Variants in SIDT2 observed in about 807,000 individuals in gnomAD.
SIDT2 encodes SID1 transmembrane family member 2, also known as SID1 transmembrane family, member 2.
SIDT2 carries 68 observed loss-of-function variants against 114.4 expected under a neutral mutation model. That is an observed-to-expected ratio of 0.59 (90% CI 0.49 to 0.73). SIDT2 has a LOEUF of 0.73. Among genes scored for constraint, SIDT2 ranks in the 30% least tolerant of loss-of-function variants. The pLI, the probability that SIDT2 is intolerant of heterozygous loss-of-function variation, is 0.00. For missense variants in SIDT2, 918 were observed against 1,097.1 expected (o/e 0.84, Z 2.31); for synonymous variants, 470 against 438.4 (o/e 1.07, Z -0.90).
chr11:117,187,072 G>A (rs1297262077), intron 10 of SIDT2: 3 of 1,462,498 alleles, frequency 2.1e-6, no homozygotes, highest in Admixed American at 2.1e-5. Context: ...GCACAGGGCT[G>A]TCTGGAGGGC....
chr11:117,189,794 C>T (rs1265661189), intron 15 of SIDT2, 158 bp from the exon 16 acceptor site: 5 of 673,420 alleles, frequency 7.4e-6, no homozygotes, highest in Non-Finnish European at 1.3e-5. Flanking sequence ...GCATGGCATC[C>T]ATGTTCTCAG....
Position 117,190,606 on chromosome 11 carries a change from C to T in SIDT2, c.1618-17C>T, listed in dbSNP as rs2030665001. 2 of 1,550,896 alleles carry T rather than the reference C, an allele frequency of 1.3e-6. No individual in the cohort carries two copies. The highest frequency in any genetic ancestry group is 8.8e-7 in the Non-Finnish European group (1 of 1,141,240). ...CCTCACTTCCTCCCTCCCTTCCCTT[C>T]TCTCTCTCCCCAACAGGAATGTGGG... On this transcript the variant is annotated splice_polypyrimidine_tract_variant and intron_variant, in intron 17 of 25. Transcript: ENST00000324225. The surrounding 1 kb of genome is among the most constrained non-coding windows in gnomAD (Gnocchi z 4.1).
At chr11:117,195,572 A>C (rs1368543893) in intron 24 of SIDT2, among the ~76,000 whole-genome samples, 1 of 152,178 alleles carries the variant, frequency 6.6e-6, no homozygotes, top group South Asian at 2.1e-4. Context: ...GAGGAGGGTA[A>C]GAGTGAAAGA....
In SIDT2 at chr11:117,188,703, T is replaced by TA; in HGVS notation, c.1160-5_1160-4insA. The TA allele has an allele frequency of 6.2e-7, 1 of 1,613,574 alleles. No individual in the cohort carries two copies. Among genetic ancestry groups the TA allele is most frequent in the South Asian group, 1.1e-5 (1 of 91,068 alleles). ...GTGCAACCCCTCCCTCCCTGCCCTT[T>TA]CCAGGCCGCTCCTTTGAACCTGTAG... On this transcript the variant is annotated splice_polypyrimidine_tract_variant and splice_region_variant and intron_variant, in intron 12 of 25. Coordinates refer to ENST00000324225, the MANE Select transcript of SIDT2 (RefSeq NM_001040455.2). This position sits in a 1 kb window ranked among gnomAD's most constrained non-coding sequence, Gnocchi z 4.0.
chr11:117,182,726 C>G lies in SIDT2; in HGVS notation c.622C>G (p.Pro208Ala), dbSNP rs371165317. 57 of 1,614,190 alleles carry G rather than the reference C, an allele frequency of 3.5e-5. No homozygotes were observed. Among genetic ancestry groups the G allele is most frequent in the Non-Finnish European group, 4.7e-5 (55 of 1,180,016 alleles). The change falls in exon 6 of 26, where the codon CCT becomes GCT. Residue 208 changes from proline to alanine, a missense_variant. Pro to Ala is a conservative substitution (Grantham distance 27, BLOSUM62 -1). Around this residue, in one of 4 missense-constraint regions of SIDT2, gnomAD observed 553 missense variants for 600.1 expected, o/e 0.92. Transcript: ENST00000324225. ...SVISIQDVLC[P>A]VYDLDNNVAF... Reference sequence around the variant, plus strand: ...TGCCTCTCCCGCCCCTCTGCAGTGTCCTGTCTATGACCTGGACAACAACGT... The same window carrying G: ...TGCCTCTCCCGCCCCTCTGCAGTGTGCTGTCTATGACCTGGACAACAACGT...
In SIDT2 at chr11:117,186,129, G is replaced by T. The variant is rs1247034025; in HGVS notation, c.869-1G>T. 6.2e-7 allele frequency: 1 copy of T among 1,613,944 alleles called. No individual in the cohort carries two copies. ...TCCACCTTCCTGTTTCCTCCTTGAAGCTGAGGCATACGTCAGTGGGATGCT... is the reference window on the plus strand; with the variant it reads ...TCCACCTTCCTGTTTCCTCCTTGAATCTGAGGCATACGTCAGTGGGATGCT... On this transcript the variant is annotated splice_acceptor_variant, in intron 8 of 25. Coordinates refer to ENST00000324225, the MANE Select transcript of SIDT2 (RefSeq NM_001040455.2). LOFTEE classifies it high-confidence loss of function.
rs201739720 is a variant in SIDT2, at chr11:117,190,270, G to A, written c.1598G>A (p.Arg533His). 180 of 1,553,248 alleles carry A rather than the reference G, an allele frequency of 1.2e-4. No homozygotes were observed. Among genetic ancestry groups the A allele is most frequent in the Non-Finnish European group, 1.4e-4 (160 of 1,150,968 alleles). ...REINHNRALL[R>H]NDLCALECGI... is the part of the protein sequence containing the mutation. ...ATCAACCACAACCGGGCCCTGCTGC[G>A]CAATGACCTCTGTGCCCTGGTAAGG... Residue 533 changes from arginine to histidine, a missense_variant, in exon 17 of 26, where the codon CGC becomes CAC. This residue lies in a region of SIDT2 where 72 missense variants were observed against 59.9 expected (regional missense o/e 1.20). Transcript: ENST00000324225. The surrounding 1 kb of genome is among the most constrained non-coding windows in gnomAD (Gnocchi z 4.1).
intron 24 of SIDT2, chr11:117,194,264 G>A: frequency 3.6e-6 from 1 of 274,568 alleles, no homozygotes; most frequent in South Asian, 5.2e-5. Context: ...AGTGAGCCAA[G>A]ATTGCACCAT....
chr11:117,191,713 T>A (rs878984518), intron 18 of SIDT2, 165 bp from the exon 19 acceptor site: 1 of 857,950 alleles, frequency 1.2e-6, no homozygotes, highest in Non-Finnish European at 1.8e-6. Context: ...GTGTGGCAGG[T>A]ACAACTAAGG....
intron 15 of SIDT2, 87 bp downstream of exon 15, chr11:117,189,488 C>G: frequency 7.1e-7 from 1 of 1,407,414 alleles, no homozygotes; most frequent in Non-Finnish European, 9.8e-7. Context: ...CCCTGGTGTT[C>G]CATCACAGGA....
intron 24 of SIDT2, among the ~76,000 whole-genome samples, chr11:117,194,706 G>A (rs1481885186): frequency 2.0e-5 from 3 of 152,212 alleles, no homozygotes; most frequent in African/African-American, 4.8e-5. Flanking sequence ...AGACGGGGCA[G>A]GAGGACAGAG....
intron 8 of SIDT2, chr11:117,185,887 A>C: frequency 3.0e-6 from 1 of 332,100 alleles, no homozygotes; most frequent in Non-Finnish European, 5.3e-6. Context: ...AAAAAAAAAA[A>C]AAAAAAAAGT....
rs746937316 is a variant in SIDT2, at chr11:117,183,874, A to G, written c.798A>G (p.Ala266=). The G allele has an allele frequency of 6.2e-7, 1 of 1,612,174 alleles. No homozygotes were observed. Among genetic ancestry groups the G allele is most frequent in the Non-Finnish European group, 8.5e-7 (1 of 1,178,220 alleles). The change falls in exon 7 of 26, where the codon GCA becomes GCG. Residue 266 remains alanine, a synonymous_variant. Transcript: ENST00000324225. ...CGGSLPFYPF[A]EDEPVDQGHR... ...GCTCCCTGCCTTTCTACCCCTTCGCAGAAGGTACATTTTGTGCCCTGGGCC... is the reference window on the plus strand; with the variant it reads ...GCTCCCTGCCTTTCTACCCCTTCGCGGAAGGTACATTTTGTGCCCTGGGCC...
At position 117,182,056 on chromosome 11, in the gene SIDT2, G is replaced by T. The variant is rs777807118; in HGVS notation, c.471-4G>T. The T allele has an allele frequency of 6.2e-7, 1 of 1,614,038 alleles. No individual in the cohort carries two copies. Among genetic ancestry groups the T allele is most frequent in the South Asian group, 1.1e-5 (1 of 91,084 alleles). The stretch of plus-strand genomic sequence containing the variant: ...ACTGGTGGGGGCTCTTCTCTGCCCT[G>T]CAGGACTGGGGAGCAGTTCAGCTTC... On this transcript the variant is annotated splice_region_variant and splice_polypyrimidine_tract_variant and intron_variant, in intron 3 of 25. Transcript: ENST00000324225.
Position 117,189,189 on chromosome 11 carries a change from C to A in SIDT2, c.1299C>A (p.Asp433Glu). ...CCCAGCAATACCTCTATGTGGCTGACCTGGCACGGAAGGACAAGCGTGTTC... is the reference window on the plus strand; with the variant it reads ...CCCAGCAATACCTCTATGTGGCTGAACTGGCACGGAAGGACAAGCGTGTTC... ...IRTKQYLYVA[D>E]LARKDKRVLR... The change falls in exon 14 of 26, where the codon GAC becomes GAA. Residue 433 changes from aspartate (D) to glutamate (E), a missense_variant. Transcript: ENST00000324225. The A allele has an allele frequency of 5.6e-6, 9 of 1,614,232 alleles. No individual in the cohort carries two copies. The highest frequency in any genetic ancestry group is 7.6e-6 in the Non-Finnish European group (9 of 1,180,042).
intron 1 of SIDT2, among the ~76,000 whole-genome samples, chr11:117,180,531 C>CTTTTT (rs35242634): frequency 1.2e-3 from 100 of 82,332 alleles, no homozygotes; most frequent in Non-Finnish European, 1.5e-3. Context: ...ATCACTTTAT[C>CTTTTT]TTTTTTTTTT....
Position 117,184,108 on chromosome 11 carries a change from C to T in SIDT2, c.837C>T (p.Thr279=), listed in dbSNP as rs762642621. Residue 279 remains threonine (T), a synonymous_variant, in exon 8 of 26, where the codon ACC becomes ACT. Coordinates refer to ENST00000324225, the MANE Select transcript of SIDT2 (RefSeq NM_001040455.2). ...EPVDQGHRQK[T]LSVLVSQAVT... ...TCGATCAAGGGCACCGCCAGAAAAC[C>T]CTGTCAGTGCTGGTGTCTCAAGCAG... The T allele has an allele frequency of 8.1e-6, 13 of 1,614,136 alleles. No homozygotes were observed. Among genetic ancestry groups the T allele is most frequent in the East Asian group, 6.7e-5 (3 of 44,868 alleles).
Position 117,192,467 on chromosome 11 carries a change from C to A in SIDT2, c.1981+105C>A. 6.8e-7 allele frequency: 1 copy of A among 1,464,822 alleles called. No individual in the cohort carries two copies. The highest frequency in any genetic ancestry group is 2.3e-5 in the East Asian group (1 of 44,066). The allele number at this position is 1,464,822 out of a possible 1,614,324, so 90.7% of individuals were successfully genotyped here. A position where few individuals can be genotyped will look rare whatever the true frequency, so the allele number is the denominator to read the frequency against. On this transcript the variant is annotated intron_variant, in intron 20 of 25. Transcript: ENST00000324225. This position sits in a 1 kb window ranked among gnomAD's most constrained non-coding sequence, Gnocchi z 5.9. ...TTCTGTCTTGGGGGCCCTGGAGTCA[C>A]TGGGTGAGGAATTAGATCAGGCCTG...
At chr11:117,187,308 T>C in intron 10 of SIDT2, 70 bp from the exon 11 acceptor site, 1 of 1,465,514 alleles carries the variant, frequency 6.8e-7, no homozygotes, top group Non-Finnish European at 9.6e-7. Flanking sequence ...TGGACCTTTC[T>C]TTGTTCTTCT....
Sources: allele counts gnomAD v4.1 joint callset (sites outside exome capture counted in the v4.1 genomes callset), GRCh38; gene constraint gnomAD v4.1.1; regional missense constraint gnomAD v4.1.1; non-coding constraint Gnocchi (gnomAD v3.1); transcripts MANE v1.5; gene names NCBI Gene and HGNC (gene_info 2026-07-23, HGNC 2026-07-21).